PTGER3: variants seen among roughly 807,000 people sequenced by gnomAD.
PTGER3 encodes prostaglandin E2 receptor EP3 subtype.
PTGER3 carries 22 observed loss-of-function variants against 34.7 expected under a neutral mutation model. The observed-to-expected ratio is 0.63, with a 90% confidence interval of 0.45 to 0.91. The LOEUF is 0.91. Ranked by LOEUF, PTGER3 falls within the 40% of genes least tolerant of loss-of-function variation. PTGER3 has a pLI of 0.00. For missense variants in PTGER3, 468 were observed against 519.4 expected, an observed-to-expected ratio of 0.90 and a Z score of 0.96; for synonymous variants, 241 against 230.1, an observed-to-expected ratio of 1.05 and a Z score of -0.43.
chr1:70,860,035 T>A (rs966098791), intron 4 of PTGER3, among the ~76,000 whole-genome samples: 1 of 150,956 alleles, frequency 6.6e-6, no homozygotes, highest in Non-Finnish European at 1.5e-5. Flanking sequence ...TATGGGACCG[T>A]AATATTAGAG....
In PTGER3 at chr1:70,853,825, G is replaced by T. The variant is rs150211674; in HGVS notation, c.*24-966C>A. ...AGGTCCCAGATAAACCCTTGTGCAC[G>T]CACTCAATCAATCTTTGACAAGAGT... is the stretch of plus-strand genomic sequence containing the variant. On this transcript the variant is annotated intron_variant, in intron 4 of 4. Transcript: ENST00000370931. 1.7e-3 allele frequency among the ~76,000 whole-genome samples: 259 copies of T among 152,236 alleles called. 2 individuals carry two copies. Among genetic ancestry groups the T allele is most frequent in the African/African-American group, 5.7e-3 (235 of 41,544 alleles).
At chr1:70,924,468 C>T (rs1251803012) in intron 4 of PTGER3, among the ~76,000 whole-genome samples, 2 of 152,286 alleles carry the variant, frequency 1.3e-5, no homozygotes, top group Non-Finnish European at 2.9e-5. Flanking sequence ...AACCAGTGAT[C>T]TCTGACTGCT....
intron 4 of PTGER3, among the ~76,000 whole-genome samples, chr1:70,938,247 A>G (rs374326767): frequency 9.8e-5 from 15 of 152,304 alleles, no homozygotes; most frequent in African/African-American, 3.6e-4. Flanking sequence ...GGTCAATACC[A>G]AAACATCATA....
At chr1:70,900,216 C>T (rs779510852) in intron 4 of PTGER3, among the ~76,000 whole-genome samples, 6 of 152,182 alleles carry the variant, frequency 3.9e-5, no homozygotes, top group East Asian at 1.9e-4. Context: ...ATCTTAAAGA[C>T]GACTGCCCCT....
chr1:71,004,398 A>G (rs544969702), intron 2 of PTGER3, among the ~76,000 whole-genome samples: 7 of 152,310 alleles, frequency 4.6e-5, no homozygotes, highest in Admixed American at 4.6e-4. Context: ...AGACCTGAGG[A>G]ATTGAAGACT....
At chr1:70,933,574 C>T (rs1197724860) in intron 4 of PTGER3, among the ~76,000 whole-genome samples, 1 of 152,096 alleles carries the variant, frequency 6.6e-6, no homozygotes, top group Admixed American at 6.6e-5. Flanking sequence ...TTTTATTTGC[C>T]TAGGCTCAGC....
chr1:70,856,886 G>T (rs542531327), intron 4 of PTGER3, among the ~76,000 whole-genome samples: 3 of 152,248 alleles, frequency 2.0e-5, no homozygotes, highest in Admixed American at 6.5e-5. Flanking sequence ...TGTAACAACC[G>T]CTAGAAGCAA....
chr1:70,917,437 GTGTGTA>G (rs1185281376), intron 4 of PTGER3, among the ~76,000 whole-genome samples: 6 of 135,766 alleles, frequency 4.4e-5, no homozygotes, highest in Non-Finnish European at 9.2e-5. Context: ...GTGTGTGTGT[GTGTGTA>G]TACAATCAAT....
chr1:71,010,685 A>T, intron 2 of PTGER3: 1 of 983,984 alleles, frequency 1.0e-6, no homozygotes, highest in Non-Finnish European at 1.2e-6. Flanking sequence ...GCATAGAGAG[A>T]TTTTAGTATA....
At chr1:71,007,755 G>T (rs1045283276) in intron 2 of PTGER3, 1 of 985,274 alleles carries the variant, frequency 1.0e-6, no homozygotes, top group African/African-American at 1.7e-5. Flanking sequence ...TACTATTAAA[G>T]TTTAATGATT....
At chr1:70,981,388 T>TTCC (rs1654335374) in intron 2 of PTGER3, among the ~76,000 whole-genome samples, 26 of 40,100 alleles carry the variant, frequency 6.5e-4, no homozygotes, top group Admixed American at 1.2e-3. Context: ...TCTTTCTTTC[T>TTCC]TTCTTTCCTT....
At chr1:70,922,518 T>A (rs939225230) in intron 4 of PTGER3, among the ~76,000 whole-genome samples, 6 of 152,186 alleles carry the variant, frequency 3.9e-5, no homozygotes, top group Non-Finnish European at 7.3e-5. Flanking sequence ...GAGTTAGCCA[T>A]GCCCACTAGC....
At chr1:70,904,234 T>C (rs1646899988) in intron 4 of PTGER3, among the ~76,000 whole-genome samples, 2 of 152,330 alleles carry the variant, frequency 1.3e-5, no homozygotes, top group South Asian at 4.1e-4. Flanking sequence ...TAAATCTCTT[T>C]ATTTTGTAAA....
chr1:71,010,376 G>C, intron 2 of PTGER3: 2 of 984,800 alleles, frequency 2.0e-6, no homozygotes, highest in South Asian at 9.4e-5. Flanking sequence ...CATATGGTAT[G>C]TGCCTTGCCA....
intron 4 of PTGER3, among the ~76,000 whole-genome samples, chr1:70,921,875 A>T (rs1285568121): frequency 6.6e-6 from 1 of 152,188 alleles, no homozygotes; most frequent in African/African-American, 2.4e-5. Context: ...TATATGAAAG[A>T]GCTTTGATTG....
intron 4 of PTGER3, among the ~76,000 whole-genome samples, chr1:70,887,842 G>A (rs1424577615): frequency 1.3e-5 from 2 of 151,180 alleles, no homozygotes; most frequent in Non-Finnish European, 2.9e-5. Context: ...AGACCACTAT[G>A]TAAACAAGAG....
intron 4 of PTGER3, among the ~76,000 whole-genome samples, chr1:70,885,102 C>A (rs886980103): frequency 1.3e-5 from 2 of 151,766 alleles, no homozygotes; most frequent in Admixed American, 1.3e-4. Flanking sequence ...GAATTAGACT[C>A]TTTTTACTTC....
chr1:71,019,137 G>A (rs1658177749), intron 1 of PTGER3, among the ~76,000 whole-genome samples: 1 of 152,152 alleles, frequency 6.6e-6, no homozygotes, highest in South Asian at 2.1e-4. Flanking sequence ...CTTTCAGACT[G>A]TTTAGACTTT....
chr1:70,952,514 A>T, exon 4 of PTGER3: 1 of 989,018 alleles, frequency 1.0e-6, no homozygotes, highest in Non-Finnish European at 1.2e-6. Flanking sequence ...ATGTCACTGA[A>T]GAGGGCATCA....
Sources: allele counts gnomAD v4.1 joint callset (sites outside exome capture counted in the v4.1 genomes callset), GRCh38; gene constraint gnomAD v4.1.1; transcripts MANE v1.5; gene names NCBI Gene and HGNC (gene_info 2026-07-23, HGNC 2026-07-21).